MEI4: variants seen among roughly 807,000 people sequenced by gnomAD.
MEI4 encodes the protein meiotic double-stranded break formation protein 4.
Under a neutral mutation model 31.4 loss-of-function variants are expected in MEI4, and 27 were observed. The ratio of observed to expected loss-of-function variants is 0.86; its 90% confidence interval spans 0.63 to 1.19. The LOEUF (loss-of-function observed/expected upper bound fraction) is 1.19. Ranked by LOEUF, MEI4 falls within the 50% of genes most tolerant of loss-of-function variation. MEI4 has a pLI of 0.00. For missense variants in MEI4, 329 were observed against 398.9 expected, an observed-to-expected ratio of 0.82 and a Z score of 1.49; for synonymous variants, 122 against 145.4, an observed-to-expected ratio of 0.84 and a Z score of 1.16.
At position 77,926,015 on chromosome 6, in the gene MEI4, A is replaced by C. The variant is rs1766835960; in HGVS notation, c.*2669A>C. The C allele has an allele frequency of 6.6e-6, 1 of 151,808 alleles. No homozygotes were observed. The highest frequency in any genetic ancestry group is 2.4e-5 in the African/African-American group (1 of 41,384). 9.4% of individuals were successfully genotyped at this position (151,808 alleles called of 1,614,324 possible). On this transcript the variant is annotated 3_prime_UTR_variant, in exon 5 of 5. Coordinates refer to ENST00000684080, the MANE Select transcript of MEI4 (RefSeq NM_001322247.2). ...AGATGAAGAACTCAGAACTTGCCCA[A>C]GTTCACAACACCAGGAAGTGGCAGT...
rs543117553 is a variant in MEI4 at position 77,687,786 on chromosome 6, T to G, written c.-14-2872T>G. On this transcript the variant is annotated intron_variant, in intron 1 of 4. Coordinates refer to ENST00000684080, the MANE Select transcript of MEI4 (RefSeq NM_001322247.2). The stretch of plus-strand genomic sequence containing the variant: ...GGGGGGATTGCACAGAGCTTCCACA[T>G]CCTTTCTAGGTGTGCCACCTTCTTA... Among the ~76,000 whole-genome samples the G allele has an allele frequency of 1.1e-4, 17 of 152,200 alleles. 1 individual carries two copies. The highest frequency in any genetic ancestry group is 3.9e-4 in the Admixed American group (6 of 15,270).
At chr6:77,898,034 A>C (rs1444778461) in intron 4 of MEI4, among the ~76,000 whole-genome samples, 2 of 152,020 alleles carry the variant, frequency 1.3e-5, no homozygotes, top group African/African-American at 4.8e-5. Flanking sequence ...TATGTATGTA[A>C]GTATGTATAT....
chr6:77,672,171 A>G (rs1017344803), intron 1 of MEI4, among the ~76,000 whole-genome samples: 10 of 152,216 alleles, frequency 6.6e-5, no homozygotes, highest in African/African-American at 2.4e-4. Context: ...GATATAGGAA[A>G]AGAAATAGAA....
At position 77,847,841 on chromosome 6, in the gene MEI4, T is replaced by TA. The variant is rs1770525035; in HGVS notation, c.900+18783dup. Among the ~76,000 whole-genome samples the TA allele has an allele frequency of 6.6e-6, 1 of 152,146 alleles. No individual in the cohort carries two copies. The highest frequency in any genetic ancestry group is 6.6e-5 in the Admixed American group (1 of 15,258). On this transcript the variant is annotated intron_variant, in intron 4 of 4. Transcript: ENST00000684080. The surrounding 1 kb of genome is among the most constrained non-coding windows in gnomAD (Gnocchi z 4.6). ...ATTGAATGAGGATTTTCACTTTAAA[T>TA]AAAATGTAGTAATCTGTAATCAATA... is the stretch of plus-strand genomic sequence containing the variant.
intron 4 of MEI4, among the ~76,000 whole-genome samples, chr6:77,829,496 A>G (rs748580409): frequency 3.7e-4 from 57 of 152,168 alleles, no homozygotes; most frequent in Admixed American, 8.5e-4. Context: ...GCCAAGTCAT[A>G]TGCCAATCCT....
chr6:77,841,333 A>ATATATATATATATATATTT, intron 4 of MEI4, among the ~76,000 whole-genome samples: 8 of 27,738 alleles, frequency 2.9e-4, no homozygotes, highest in Non-Finnish European at 4.2e-4. Flanking sequence ...ATATATATAT[A>ATATATATATATATATATTT]TTTTTTTTTT....
Position 77,714,243 on chromosome 6 carries a change from A to C in MEI4, c.232+23340A>C, listed in dbSNP as rs981475158. Among the ~76,000 whole-genome samples the C allele has an allele frequency of 7.2e-5, 11 of 152,208 alleles. No individual in the cohort carries two copies. In the East Asian group the frequency reaches 1.5e-3, roughly 21 times the overall value. On this transcript the variant is annotated intron_variant, in intron 2 of 4. Transcript: ENST00000684080. The stretch of plus-strand genomic sequence containing the variant: ...TATGTAACACTTAAAAATTTAAAAA[A>C]AAAACAAAACAGAAAAGTAAAGCAA...
intron 4 of MEI4, among the ~76,000 whole-genome samples, chr6:77,869,260 T>C (rs1771137988): frequency 6.6e-6 from 1 of 152,164 alleles, no homozygotes; most frequent in Non-Finnish European, 1.5e-5. Flanking sequence ...TGAAGCTGTG[T>C]CATTAGATAG....
intron 4 of MEI4, among the ~76,000 whole-genome samples, chr6:77,880,230 G>GT (rs1562023809): frequency 7.3e-6 from 1 of 136,896 alleles, no homozygotes; most frequent in Non-Finnish European, 1.6e-5. Flanking sequence ...GGTTTTTTTT[G>GT]TTTGTTTTTT....
At chr6:77,903,103 TAAC>T (rs1418736501) in intron 4 of MEI4, among the ~76,000 whole-genome samples, 1 of 152,178 alleles carries the variant, frequency 6.6e-6, no homozygotes, top group Admixed American at 6.6e-5. Context: ...AGAGATGGTT[TAAC>T]TTCTTTCTTT....
chr6:77,747,323 A>T (rs1767638269), intron 2 of MEI4, among the ~76,000 whole-genome samples: 1 of 152,160 alleles, frequency 6.6e-6, no homozygotes, highest in Non-Finnish European at 1.5e-5. Context: ...CATCTAAAAA[A>T]AAAGAAAAAG....
At chr6:77,842,900 T>C (rs1770398914) in intron 4 of MEI4, among the ~76,000 whole-genome samples, 1 of 152,066 alleles carries the variant, frequency 6.6e-6, no homozygotes, top group Admixed American at 6.6e-5. Context: ...TTGATAGTCT[T>C]ACCCAATTAA....
intron 3 of MEI4, among the ~76,000 whole-genome samples, chr6:77,802,248 C>T (rs1367905727): frequency 6.6e-6 from 1 of 152,092 alleles, no homozygotes; most frequent in Non-Finnish European, 1.5e-5. Context: ...CTCTTTTGAT[C>T]TTTGTTGGTT....
In MEI4 at chr6:77,658,221, T is replaced by C. The variant is rs571710119; in HGVS notation, c.-15+5129T>C. ...CGGGCAGGGGGTGGGTCTCACAAAG[T>C]ACATTCTCAAGGGTGGGGAGAATTA... On this transcript the variant is annotated intron_variant, in intron 1 of 4. Coordinates refer to ENST00000684080, the MANE Select transcript of MEI4 (RefSeq NM_001322247.2). Among the ~76,000 whole-genome samples the C allele has an allele frequency of 2.6e-5, 4 of 152,074 alleles. No homozygotes were observed. In the South Asian group the frequency reaches 8.3e-4, roughly 32 times the overall value.
intron 4 of MEI4, among the ~76,000 whole-genome samples, chr6:77,900,153 G>T (rs1380980447): frequency 2.0e-5 from 3 of 151,906 alleles, no homozygotes; most frequent in Non-Finnish European, 4.4e-5. Context: ...ATAATTATTG[G>T]CAAGGATGCA....
rs577541362 is a variant in MEI4 at position 77,676,525 on chromosome 6, C to CAAT, written c.-14-14115_-14-14113dup. Among the ~76,000 whole-genome samples the CAAT allele has an allele frequency of 5.3e-3, 801 of 151,660 alleles. 7 individuals are homozygous for CAAT. Among genetic ancestry groups the CAAT allele is most frequent in the African/African-American group, 0.019 (766 of 41,388 alleles). On this transcript the variant is annotated intron_variant, in intron 1 of 4. Transcript: ENST00000684080. ...CTGGGCAATGGAGCAAGACCCATTT[C>CAAT]AATAATAATAATAATAATAAATGTT... is the stretch of plus-strand genomic sequence containing the variant.
intron 3 of MEI4, among the ~76,000 whole-genome samples, 161 bp from the exon 4 acceptor site, chr6:77,828,770 T>C (rs915996685): frequency 6.6e-6 from 1 of 152,212 alleles, no homozygotes; most frequent in Non-Finnish European, 1.5e-5. Flanking sequence ...GAGCCTAGAA[T>C]ATTATAATTT....
At chr6:77,755,825 G>GGTGTGTGTGT (rs34181852) in intron 2 of MEI4, among the ~76,000 whole-genome samples, 12,961 of 145,132 alleles carry the variant, frequency 0.089, 606 homozygotes, top group Non-Finnish European at 0.1. Flanking sequence ...GTGCTGGAAT[G>GGTGTGTGTGT]GTGTGTGTGT....
intron 1 of MEI4, among the ~76,000 whole-genome samples, chr6:77,684,262 G>T: frequency 6.6e-6 from 1 of 151,062 alleles, no homozygotes; most frequent in African/African-American, 2.5e-5. Context: ...AATTTTGTGG[G>T]TACATAGTAG....
Sources: gnomAD v4.1 joint callset for allele counts (sites outside exome capture counted in the v4.1 genomes callset) on GRCh38, gnomAD v4.1.1 for gene constraint, Gnocchi (gnomAD v3.1) non-coding constraint, MANE v1.5 for transcripts, NCBI Gene and HGNC (gene_info 2026-07-23, HGNC 2026-07-21) for gene names.